Variants in BMP7 observed in about 807,000 individuals in gnomAD.
The protein encoded by BMP7 is osteogenic protein 1.
A neutral mutation model predicts 41.2 loss-of-function variants in BMP7; 12 were observed. The observed-to-expected ratio is 0.29, with a 90% confidence interval of 0.19 to 0.47. BMP7 has a LOEUF of 0.47. Ranked by LOEUF, BMP7 falls within the 20% of genes least tolerant of loss-of-function variation. BMP7 has a pLI of 0.99. For synonymous variants in BMP7, 248 were observed against 250.0 expected (o/e 0.99, Z 0.07); for missense variants, 467 against 606.0 (o/e 0.77, Z 2.41).
intron 1 of BMP7, among the ~76,000 whole-genome samples, chr20:57,231,471 G>A (rs557508483): frequency 3.9e-5 from 6 of 152,334 alleles, no homozygotes; most frequent in Admixed American, 2.6e-4. Flanking sequence ...GTTTTCATGA[G>A]TATGCTAGGA....
At chr20:57,183,369 C>T (rs1328199793) in intron 4 of BMP7, among the ~76,000 whole-genome samples, 5 of 102,924 alleles carry the variant, frequency 4.9e-5, no homozygotes, top group African/African-American at 2.0e-4. Flanking sequence ...TTTCTTCCTC[C>T]CCCTCCTTCC....
chr20:57,180,999 T>C (rs1600729036), intron 4 of BMP7, among the ~76,000 whole-genome samples: 2 of 152,314 alleles, frequency 1.3e-5, no homozygotes, highest in South Asian at 4.1e-4. Context: ...CCAGGACCTT[T>C]CTCAATAGCC....
chr20:57,239,800 C>T (rs1177987678), intron 1 of BMP7, among the ~76,000 whole-genome samples: 1 of 152,252 alleles, frequency 6.6e-6, no homozygotes, highest in Non-Finnish European at 1.5e-5. Context: ...CTTCTACCCT[C>T]TGAAATCACA....
intron 6 of BMP7, 109 bp downstream of exon 6, chr20:57,173,090 TG>T (rs747140615): frequency 8.6e-7 from 1 of 1,168,876 alleles, no homozygotes; most frequent in Non-Finnish European, 1.3e-6. Flanking sequence ...AGTCATGACA[TG>T]GCAATGGGCT....
intron 1 of BMP7, among the ~76,000 whole-genome samples, chr20:57,232,336 T>C (rs1290474908): frequency 6.6e-6 from 1 of 152,014 alleles, no homozygotes. Flanking sequence ...TCTAAAACAA[T>C]GAGCCAGAAG....
chr20:57,216,558 GT>G (rs1568718193), intron 2 of BMP7, among the ~76,000 whole-genome samples: 44 of 149,080 alleles, frequency 3.0e-4, no homozygotes, highest in Admixed American at 1.9e-3. Flanking sequence ...GCGAGGGGCT[GT>G]CTCCTGAGGG....
At chr20:57,179,993 C>T (rs533189153) in intron 4 of BMP7, among the ~76,000 whole-genome samples, 15 of 152,118 alleles carry the variant, frequency 9.9e-5, no homozygotes, top group South Asian at 6.2e-4. Flanking sequence ...AGTTCCTCTC[C>T]CCCTCATTAC....
At chr20:57,173,162 G>C in intron 6 of BMP7, 38 bp downstream of exon 6, 1 of 1,593,494 alleles carries the variant, frequency 6.3e-7, no homozygotes, top group Non-Finnish European at 8.6e-7. Flanking sequence ...AGCCTGCCCG[G>C]CCCAGGTGAC....
chr20:57,209,879 C>T (rs892379967), intron 2 of BMP7, among the ~76,000 whole-genome samples: 1 of 152,202 alleles, frequency 6.6e-6, no homozygotes, highest in Non-Finnish European at 1.5e-5. Flanking sequence ...AAAGCTAGAT[C>T]TGTATGGGGC....
At chr20:57,263,853 A>G (rs574647480) in intron 1 of BMP7, among the ~76,000 whole-genome samples, 15 of 151,228 alleles carry the variant, frequency 9.9e-5, no homozygotes, top group South Asian at 4.2e-4. Context: ...GAAAAATCAG[A>G]CCCCACCTCC....
At chr20:57,225,398 G>A (rs569753495) in intron 2 of BMP7, among the ~76,000 whole-genome samples, 1 of 152,182 alleles carries the variant, frequency 6.6e-6, no homozygotes, top group Non-Finnish European at 1.5e-5. Flanking sequence ...TCCACTTCCT[G>A]CTGTGATGAT....
chr20:57,253,129 T>C (rs1412499308), intron 1 of BMP7, among the ~76,000 whole-genome samples: 1 of 152,112 alleles, frequency 6.6e-6, no homozygotes, highest in Non-Finnish European at 1.5e-5. Flanking sequence ...TTAAGATAAT[T>C]AGGAGCTCAG....
chr20:57,190,944 T>C (rs533954136), intron 3 of BMP7, among the ~76,000 whole-genome samples: 2 of 152,168 alleles, frequency 1.3e-5, no homozygotes, highest in African/African-American at 4.8e-5. Context: ...AGCAGTACCC[T>C]TGGCCTCTTC....
At chr20:57,216,699 C>A (rs1483611707) in intron 2 of BMP7, among the ~76,000 whole-genome samples, 1 of 152,132 alleles carries the variant, frequency 6.6e-6, no homozygotes, top group East Asian at 1.9e-4. Flanking sequence ...GAAAGTTCCC[C>A]GCAGAGCTCC....
At chr20:57,192,883 G>A (rs1453994234) in intron 3 of BMP7, among the ~76,000 whole-genome samples, 1 of 152,060 alleles carries the variant, frequency 6.6e-6, no homozygotes, top group Non-Finnish European at 1.5e-5. Flanking sequence ...AATTTAACTC[G>A]GCATCTTGTA....
chr20:57,264,024 T>C (rs1317543195), intron 1 of BMP7, among the ~76,000 whole-genome samples: 1 of 152,180 alleles, frequency 6.6e-6, no homozygotes, highest in East Asian at 1.9e-4. Context: ...ATCTTGGAGA[T>C]GGTTCTAAAT....
chr20:57,199,891 G>GCCCT (rs1303669498), intron 3 of BMP7, among the ~76,000 whole-genome samples: 3 of 152,240 alleles, frequency 2.0e-5, no homozygotes, highest in Non-Finnish European at 2.9e-5. Flanking sequence ...GGCCCCCAGG[G>GCCCT]CCCTGCCCAG....
intron 1 of BMP7, among the ~76,000 whole-genome samples, chr20:57,246,211 CATA>C (rs1422692312): frequency 2.6e-5 from 4 of 152,198 alleles, no homozygotes; most frequent in African/African-American, 9.7e-5. Flanking sequence ...CAGTTTTATT[CATA>C]ATAAGTGTTG....
chr20:57,175,277 G>A (rs565934733), intron 4 of BMP7, among the ~76,000 whole-genome samples: 5 of 152,256 alleles, frequency 3.3e-5, no homozygotes, highest in African/African-American at 4.8e-5. Context: ...AACCTTCTGC[G>A]GACACTGGTT....
Sources: gnomAD v4.1 joint callset for allele counts (sites outside exome capture counted in the v4.1 genomes callset) on GRCh38, gnomAD v4.1.1 for gene constraint, MANE v1.5 for transcripts, NCBI Gene and HGNC (gene_info 2026-07-23, HGNC 2026-07-21) for gene names.